The following CFAP299 variants were observed in gnomAD, a reference collection of about 807,000 sequenced individuals.
CFAP299 encodes cilia and flagella associated protein 299.
A neutral mutation model predicts 27.0 loss-of-function variants in CFAP299; 21 were observed. That is an observed-to-expected ratio of 0.78 (90% CI 0.55 to 1.12). The LOEUF is 1.12. CFAP299 is among the 50% of genes most tolerant of loss of function. CFAP299 has a pLI of 0.00. For missense variants in CFAP299, 310 were observed against 276.6 expected (o/e 1.12, Z -0.86); for synonymous variants, 104 against 98.1 (o/e 1.06, Z -0.36).
intron 3 of CFAP299, among the ~76,000 whole-genome samples, chr4:80,851,706 A>T (rs1731532262): frequency 6.6e-6 from 1 of 152,184 alleles, no homozygotes; most frequent in Admixed American, 6.6e-5. Context: ...TAGTAATTTG[A>T]GTATGAAAAT....
At chr4:80,572,745 C>G (rs1396890348) in intron 2 of CFAP299, among the ~76,000 whole-genome samples, 1 of 151,736 alleles carries the variant, frequency 6.6e-6, no homozygotes, top group South Asian at 2.1e-4. Flanking sequence ...TCTCAAACTC[C>G]TGATGTCGTT....
At chr4:80,836,181 A>G (rs1463973730) in intron 3 of CFAP299, among the ~76,000 whole-genome samples, 1 of 152,172 alleles carries the variant, frequency 6.6e-6, no homozygotes, top group East Asian at 1.9e-4. Flanking sequence ...TGATTCTTCT[A>G]AATAATTCCT....
chr4:80,821,891 A>AACACAC (rs3038531), intron 3 of CFAP299, among the ~76,000 whole-genome samples: 47 of 149,196 alleles, frequency 3.2e-4, no homozygotes, highest in African/African-American at 9.8e-4. Flanking sequence ...CTCAGTACAC[A>AACACAC]ACACACACAC....
At chr4:80,553,063 T>G (rs1360496168) in intron 2 of CFAP299, among the ~76,000 whole-genome samples, 2 of 152,094 alleles carry the variant, frequency 1.3e-5, no homozygotes, top group Non-Finnish European at 2.9e-5. Flanking sequence ...ATAGGTAAAC[T>G]TCTGTCATGG....
At chr4:80,467,077 T>C (rs1166804684) in intron 2 of CFAP299, among the ~76,000 whole-genome samples, 1 of 152,242 alleles carries the variant, frequency 6.6e-6, no homozygotes, top group South Asian at 2.1e-4. Context: ...GTTTTTTGTC[T>C]TAGGTTGTGT....
At chr4:80,565,074 T>G (rs1184084933) in intron 2 of CFAP299, among the ~76,000 whole-genome samples, 1 of 152,042 alleles carries the variant, frequency 6.6e-6, no homozygotes, top group African/African-American at 2.4e-5. Context: ...AAAGAGGAAC[T>G]TTATAATATT....
chr4:80,373,154 T>C (rs1724230699), intron 2 of CFAP299, among the ~76,000 whole-genome samples: 1 of 152,052 alleles, frequency 6.6e-6, no homozygotes, highest in East Asian at 1.9e-4. Flanking sequence ...ATAGACACAG[T>C]GGACCTAACC....
At chr4:80,402,606 G>A (rs778467326) in intron 2 of CFAP299, among the ~76,000 whole-genome samples, 1 of 152,086 alleles carries the variant, frequency 6.6e-6, no homozygotes, top group South Asian at 2.1e-4. Context: ...GTCTTTATCA[G>A]CAGCATGAAA....
At chr4:80,871,354 C>G (rs1375064248) in intron 4 of CFAP299, 1 of 985,292 alleles carries the variant, frequency 1.0e-6, no homozygotes, top group African/African-American at 1.7e-5. Context: ...GTCAATCGAT[C>G]CACACATTTT....
chr4:80,363,768 C>T (rs954282585), intron 2 of CFAP299, among the ~76,000 whole-genome samples: 8 of 152,072 alleles, frequency 5.3e-5, no homozygotes, highest in African/African-American at 1.9e-4. Context: ...TGCCATAACA[C>T]GTTATTACAA....
intron 4 of CFAP299, among the ~76,000 whole-genome samples, chr4:80,902,696 T>A (rs1578226226): frequency 6.6e-6 from 1 of 151,204 alleles, no homozygotes; most frequent in African/African-American, 2.4e-5. Flanking sequence ...GTTGGTTTGC[T>A]AACCACATAA....
chr4:80,608,880 TG>T (rs1737819871), intron 3 of CFAP299, among the ~76,000 whole-genome samples: 1 of 151,778 alleles, frequency 6.6e-6, no homozygotes, highest in Admixed American at 6.6e-5. Flanking sequence ...TGTGTGTGTG[TG>T]TGTGTGTGTA....
intron 2 of CFAP299, among the ~76,000 whole-genome samples, chr4:80,466,645 A>G (rs1202805113): frequency 6.6e-6 from 1 of 152,168 alleles, no homozygotes; most frequent in Non-Finnish European, 1.5e-5. Context: ...GTCTCATCGA[A>G]GCCAACTTTA....
chr4:80,815,617 C>T (rs1424768035), intron 3 of CFAP299, among the ~76,000 whole-genome samples: 2 of 151,838 alleles, frequency 1.3e-5, no homozygotes, highest in Non-Finnish European at 2.9e-5. Context: ...TTACCAATCA[C>T]AAAAAATATG....
rs552665943 is a variant in CFAP299 at position 80,931,230 on chromosome 4, C to T, written c.477-13580C>T. 2.0e-5 allele frequency among the ~76,000 whole-genome samples: 3 copies of T among 152,152 alleles called. No individual in the cohort carries two copies. In the South Asian group the frequency reaches 6.2e-4, roughly 32 times the overall value. ...ACGGGCACTTTGCTTGGCTCCTCGC[C>T]TCACCCTAAGCTGTGTGACCTCTAA... On this transcript the variant is annotated intron_variant, in intron 4 of 5. Coordinates refer to ENST00000358105, the MANE Select transcript of CFAP299 (RefSeq NM_152770.3).
At chr4:80,729,213 A>G (rs1723344742) in intron 3 of CFAP299, among the ~76,000 whole-genome samples, 1 of 152,106 alleles carries the variant, frequency 6.6e-6, no homozygotes, top group Admixed American at 6.5e-5. Flanking sequence ...TGACTTACAC[A>G]ATTGCCAGCT....
Position 80,575,237 on chromosome 4 carries a change from A to G in CFAP299, c.243-7856A>G, listed in dbSNP as rs553963188. Among the ~76,000 whole-genome samples, 27 of 152,140 alleles carry G rather than the reference A, an allele frequency of 1.8e-4. No homozygotes were observed. The East Asian group carries it at 4.4e-3, about 25-fold the overall frequency. ...TTATTCATTTCATGTGGGTTTTCCA[A>G]TTTATTGGCATAGAGTTACTCATAG... On this transcript the variant is annotated intron_variant, in intron 2 of 5. Transcript: ENST00000358105.
intron 3 of CFAP299, among the ~76,000 whole-genome samples, chr4:80,752,382 T>C (rs1724982982): frequency 6.8e-6 from 1 of 147,786 alleles, no homozygotes; most frequent in African/African-American, 2.5e-5. Flanking sequence ...TGTGTTTCAT[T>C]GTACTCTAAA....
At chr4:80,466,296 G>C (rs1729695010) in intron 2 of CFAP299, among the ~76,000 whole-genome samples, 1 of 152,020 alleles carries the variant, frequency 6.6e-6, no homozygotes, top group African/African-American at 2.4e-5. Flanking sequence ...TTTATAAAAA[G>C]GAAATATAAG....
Sources: allele counts gnomAD v4.1 joint callset (sites outside exome capture counted in the v4.1 genomes callset), GRCh38; gene constraint gnomAD v4.1.1; transcripts MANE v1.5; gene names NCBI Gene and HGNC (gene_info 2026-07-23, HGNC 2026-07-21).